CADM1: variants seen among roughly 807,000 people sequenced by gnomAD.
CADM1 encodes the protein cell adhesion molecule 1.
A neutral mutation model predicts 53.1 loss-of-function variants in CADM1; 15 were observed. The ratio of observed to expected loss-of-function variants is 0.28; its 90% CI spans 0.19 to 0.44. CADM1 has a LOEUF of 0.44. Among genes scored for constraint, CADM1 ranks in the 20% least tolerant of loss-of-function variants. The probability of loss-of-function intolerance (pLI) is 1.00; values close to 1 mark genes in which losing one functional copy is unlikely to be tolerated. For synonymous variants in CADM1, 281 were observed against 243.0 expected (o/e 1.16, Z -1.45); for missense variants, 434 against 611.3 (o/e 0.71, Z 3.06).
chr11:115,203,640 GATT>G (rs1051240529), intron 8 of CADM1, among the ~76,000 whole-genome samples: 2 of 152,076 alleles, frequency 1.3e-5, no homozygotes, highest in African/African-American at 4.8e-5. Flanking sequence ...TTATCTCCAA[GATT>G]ATTTTTAAAA....
intron 9 of CADM1, among the ~76,000 whole-genome samples, chr11:115,193,141 T>C (rs2134652855): frequency 6.6e-6 from 1 of 152,322 alleles, no homozygotes; most frequent in South Asian, 2.1e-4. Flanking sequence ...ATTATACACT[T>C]TTCATTTTCT....
intron 1 of CADM1, among the ~76,000 whole-genome samples, chr11:115,295,519 TATATATATATA>T (rs1411712090): frequency 2.9e-5 from 2 of 69,532 alleles, no homozygotes; most frequent in Admixed American, 2.9e-4. Context: ...TATATATATA[TATATATATATA>T]TATATATATA....
At chr11:115,394,436 A>G (rs1018088994) in intron 1 of CADM1, among the ~76,000 whole-genome samples, 2 of 152,204 alleles carry the variant, frequency 1.3e-5, no homozygotes, top group Admixed American at 6.5e-5. Context: ...TCATGTTTAC[A>G]AGAACCACGA....
intron 7 of CADM1, among the ~76,000 whole-genome samples, chr11:115,212,432 C>T (rs573923984): frequency 7.5e-4 from 114 of 152,256 alleles, no homozygotes; most frequent in African/African-American, 2.5e-3. Flanking sequence ...AGTATTGTTA[C>T]TAGGACTGAT....
chr11:115,348,530 T>C (rs1359172769), intron 1 of CADM1, among the ~76,000 whole-genome samples: 2 of 152,198 alleles, frequency 1.3e-5, no homozygotes, highest in African/African-American at 4.8e-5. Context: ...TTATGACCAC[T>C]TGAAGGCTTG....
intron 1 of CADM1, among the ~76,000 whole-genome samples, chr11:115,330,031 G>A (rs753196279): frequency 6.6e-6 from 1 of 150,946 alleles, no homozygotes; most frequent in Admixed American, 6.6e-5. Context: ...AGGATAGAGG[G>A]GTGCAGCAGG....
chr11:115,274,577 G>A (rs145604494), intron 1 of CADM1, among the ~76,000 whole-genome samples: 3 of 152,282 alleles, frequency 2.0e-5, no homozygotes, highest in East Asian at 3.9e-4. Context: ...TTTGCAGCAC[G>A]GTGCTTAAAA....
chr11:115,487,981 T>C (rs1949413667), intron 1 of CADM1, among the ~76,000 whole-genome samples: 2 of 151,038 alleles, frequency 1.3e-5, no homozygotes, highest in South Asian at 4.2e-4. Flanking sequence ...AGAGTTATGA[T>C]GGAAAGAAAG....
chr11:115,466,595 T>C (rs995848651), intron 1 of CADM1, among the ~76,000 whole-genome samples: 2 of 152,232 alleles, frequency 1.3e-5, no homozygotes, highest in African/African-American at 4.8e-5. Context: ...CAGAATAACA[T>C]GTTGCACCAA....
At chr11:115,243,966 T>C (rs1019469057) in intron 1 of CADM1, among the ~76,000 whole-genome samples, 15 of 152,232 alleles carry the variant, frequency 9.9e-5, no homozygotes, top group Admixed American at 9.2e-4. Context: ...GAACAATATC[T>C]GGCATTTATA....
chr11:115,199,961 T>C (rs749377783), intron 8 of CADM1, among the ~76,000 whole-genome samples: 1 of 152,294 alleles, frequency 6.6e-6, no homozygotes, highest in Non-Finnish European at 1.5e-5. Flanking sequence ...GGGGGGCAAA[T>C]GAGCCTGGTG....
chr11:115,473,559 A>G (rs549946002), intron 1 of CADM1, among the ~76,000 whole-genome samples: 2 of 152,342 alleles, frequency 1.3e-5, no homozygotes, highest in East Asian at 3.9e-4. Context: ...TTGACTTCTG[A>G]CACAGGTGCA....
At chr11:115,327,150 G>C in intron 1 of CADM1, among the ~76,000 whole-genome samples, 1 of 152,072 alleles carries the variant, frequency 6.6e-6, no homozygotes, top group Non-Finnish European at 1.5e-5. Flanking sequence ...ATATGTGCAG[G>C]CTACCTTTAC....
intron 3 of CADM1, among the ~76,000 whole-genome samples, chr11:115,237,618 G>A (rs1942056555): frequency 6.6e-6 from 1 of 152,118 alleles, no homozygotes; most frequent in Non-Finnish European, 1.5e-5. Flanking sequence ...AATAGACTTT[G>A]ATTCATCATC....
At chr11:115,279,813 G>A (rs760070731) in intron 1 of CADM1, among the ~76,000 whole-genome samples, 19 of 152,236 alleles carry the variant, frequency 1.2e-4, no homozygotes, top group Admixed American at 2.6e-4. Context: ...CATGGGCACC[G>A]CATTCAGTTT....
At chr11:115,373,313 A>T (rs187697754) in intron 1 of CADM1, among the ~76,000 whole-genome samples, 24 of 152,250 alleles carry the variant, frequency 1.6e-4, no homozygotes, top group African/African-American at 4.6e-4. Context: ...GGCCAGGCGC[A>T]CTGGCTCATG....
intron 1 of CADM1, among the ~76,000 whole-genome samples, chr11:115,370,401 G>A (rs1354638501): frequency 6.6e-6 from 1 of 152,170 alleles, no homozygotes; most frequent in Admixed American, 6.5e-5. Flanking sequence ...GGGGTATTTG[G>A]AGTCAGTCCC....
At chr11:115,490,389 C>T (rs1591300083) in intron 1 of CADM1, among the ~76,000 whole-genome samples, 1 of 139,360 alleles carries the variant, frequency 7.2e-6, no homozygotes, top group African/African-American at 2.7e-5. Flanking sequence ...GTGGGAAGAA[C>T]AGATTTTTTT....
chr11:115,442,486 G>C (rs45625135), intron 1 of CADM1, among the ~76,000 whole-genome samples: 821 of 152,216 alleles, frequency 5.4e-3, no homozygotes, highest in Non-Finnish European at 9.5e-3. Context: ...CATCAGTGCA[G>C]GTACATTAGC....
Sources: allele counts gnomAD v4.1 joint callset (sites outside exome capture counted in the v4.1 genomes callset), GRCh38; gene constraint gnomAD v4.1.1; transcripts MANE v1.5; gene names NCBI Gene and HGNC (gene_info 2026-07-23, HGNC 2026-07-21).